HAPSTR1: variants seen among roughly 807,000 people sequenced by gnomAD.
The protein encoded by HAPSTR1 is HUWE1 associated protein modifying stress responses, also known as HUWE1-associated protein modifying stress responses 1.
chr16:9,102,971 T>G, the HAPSTR1 span: 2 of 1,609,614 alleles, frequency 1.2e-6, no homozygotes, highest in East Asian at 4.5e-5. Context: ...TTCTTTTTCT[T>G]TTTTTCTAAC....
chr16:9,110,018 CAAAA>C, the HAPSTR1 span: 2 of 151,912 alleles, frequency 1.3e-5, no homozygotes, highest in African/African-American at 2.4e-5. Context: ...ATTAAAAAAA[CAAAA>C]AAGCTAATAA....
At chr16:9,107,264 C>G in the HAPSTR1 span, 6 of 152,326 alleles carry the variant, frequency 3.9e-5, no homozygotes, top group South Asian at 4.1e-4. Flanking sequence ...ATGGCAGATT[C>G]GGTGCTGTCT....
At chr16:9,095,957 A>G in the HAPSTR1 span, among the ~76,000 whole-genome samples, 4 of 147,398 alleles carry the variant, frequency 2.7e-5, no homozygotes, top group African/African-American at 9.8e-5. Flanking sequence ...TTAGATCAGT[A>G]TATTTTTTGA....
At chr16:9,117,378 A>G in the HAPSTR1 span, 1 of 164,302 alleles carries the variant, frequency 6.1e-6, no homozygotes, top group South Asian at 1.5e-4. Flanking sequence ...GCTGCACTGT[A>G]CCATGCACCT....
At chr16:9,104,431 G>A in the HAPSTR1 span, 1 of 152,128 alleles carries the variant, frequency 6.6e-6, no homozygotes, top group African/African-American at 2.4e-5. Context: ...TAACATTTTT[G>A]GGCCATAGTA....
chr16:9,098,412 G>C, the HAPSTR1 span, among the ~76,000 whole-genome samples: 1 of 152,204 alleles, frequency 6.6e-6, no homozygotes, highest in African/African-American at 2.4e-5. Context: ...AAATACATAA[G>C]TAGCTAGGAG....
the HAPSTR1 span, among the ~76,000 whole-genome samples, chr16:9,098,705 C>T: frequency 7.9e-5 from 12 of 152,162 alleles, no homozygotes; most frequent in African/African-American, 2.7e-4. Context: ...GGTGGACTGG[C>T]TAGTGCAAAT....
the HAPSTR1 span, chr16:9,103,610 A>G: frequency 1.5e-5 from 3 of 200,468 alleles, no homozygotes; most frequent in Non-Finnish European, 3.1e-5. Context: ...GAATTCTGTT[A>G]TATTTCTAAT....
the HAPSTR1 span, among the ~76,000 whole-genome samples, chr16:9,116,237 C>G: frequency 6.6e-6 from 1 of 152,156 alleles, no homozygotes; most frequent in African/African-American, 2.4e-5. Flanking sequence ...ATTTCTGGCT[C>G]TCCTGAATAC....
At chr16:9,096,092 C>T in the HAPSTR1 span, among the ~76,000 whole-genome samples, 1 of 152,184 alleles carries the variant, frequency 6.6e-6, no homozygotes, top group Admixed American at 6.5e-5. Flanking sequence ...GGCTCTGTTA[C>T]TTCTTACCTT....
At chr16:9,118,986 C>T in the HAPSTR1 span, 1 of 152,610 alleles carries the variant, frequency 6.6e-6, no homozygotes, top group Admixed American at 6.5e-5. Flanking sequence ...TAAAACGTGC[C>T]ATTTTCTTTG....
the HAPSTR1 span, among the ~76,000 whole-genome samples, chr16:9,114,129 T>C: frequency 6.6e-6 from 1 of 152,202 alleles, no homozygotes; most frequent in Non-Finnish European, 1.5e-5. Flanking sequence ...ATTTTGTTTT[T>C]TAAAAGTAAG....
the HAPSTR1 span, among the ~76,000 whole-genome samples, chr16:9,092,689 G>A: frequency 2.6e-5 from 4 of 152,224 alleles, no homozygotes; most frequent in Admixed American, 1.3e-4. Context: ...GCTCGTCCCT[G>A]ATCTGTGCCC....
At chr16:9,092,408 C>T in the HAPSTR1 span, 2 of 732,104 alleles carry the variant, frequency 2.7e-6, no homozygotes, top group Admixed American at 4.8e-5. Context: ...CTCCGCGGCC[C>T]TGCCGCCCCC....
At chr16:9,113,805 G>A in the HAPSTR1 span, among the ~76,000 whole-genome samples, 1 of 152,124 alleles carries the variant, frequency 6.6e-6, no homozygotes, top group Non-Finnish European at 1.5e-5. Context: ...TAGTCTTGCG[G>A]TAGAACTTTA....
At chr16:9,099,254 A>G in the HAPSTR1 span, among the ~76,000 whole-genome samples, 1 of 146,384 alleles carries the variant, frequency 6.8e-6, no homozygotes, top group Non-Finnish European at 1.5e-5. Context: ...CTGGAGTGCC[A>G]TGGTGCAATC....
At chr16:9,117,583 G>C in the HAPSTR1 span, 1 of 152,790 alleles carries the variant, frequency 6.5e-6, no homozygotes, top group Non-Finnish European at 1.5e-5. Context: ...CTCTAAAGTA[G>C]CAGTATTATT....
chr16:9,113,888 G>T, the HAPSTR1 span, among the ~76,000 whole-genome samples: 1 of 152,164 alleles, frequency 6.6e-6, no homozygotes, highest in African/African-American at 2.4e-5. Flanking sequence ...GAACACCTGG[G>T]TTTATTTTCT....
At chr16:9,100,416 TA>T in the HAPSTR1 span, among the ~76,000 whole-genome samples, 1 of 151,670 alleles carries the variant, frequency 6.6e-6, no homozygotes, top group Admixed American at 6.6e-5. Flanking sequence ...CTTCACAGGA[TA>T]TTTTTTTTTT....
Sources: gnomAD v4.1 joint callset for allele counts (sites outside exome capture counted in the v4.1 genomes callset) on GRCh38, gnomAD v4.1.1 for gene constraint, MANE v1.5 for transcripts, NCBI Gene and HGNC (gene_info 2026-07-23, HGNC 2026-07-21) for gene names.